The following ZNF438 variants were observed in gnomAD, a reference collection of about 807,000 sequenced individuals.
ZNF438 encodes zinc finger protein 438.
ZNF438 carries 25 observed loss-of-function variants against 38.0 expected under a neutral mutation model. The ratio of observed to expected loss-of-function variants is 0.66; its 90% CI spans 0.48 to 0.92. The LOEUF is 0.92. ZNF438 is among the 40% of genes least tolerant of loss of function. The probability of loss-of-function intolerance (pLI) is 0.00; values close to 1 mark genes in which losing one functional copy is unlikely to be tolerated. For synonymous variants in ZNF438, 372 were observed against 364.1 expected, an observed-to-expected ratio of 1.02 and a Z score of -0.25; for missense variants, 1,007 against 999.6, an observed-to-expected ratio of 1.01 and a Z score of -0.10.
intron 4 of ZNF438, among the ~76,000 whole-genome samples, chr10:30,854,395 T>C (rs1008791612): frequency 6.6e-6 from 1 of 152,200 alleles, no homozygotes; most frequent in Non-Finnish European, 1.5e-5. Flanking sequence ...AGTTGGTCTG[T>C]GTCTTCAGGG....
At chr10:30,861,081 C>A (rs1184346951) in intron 4 of ZNF438, among the ~76,000 whole-genome samples, 1 of 152,120 alleles carries the variant, frequency 6.6e-6, no homozygotes, top group East Asian at 1.9e-4. Context: ...ATACAGTTGT[C>A]CCTTACCATC....
intron 2 of ZNF438, among the ~76,000 whole-genome samples, chr10:30,941,120 G>A (rs2046777524): frequency 6.6e-6 from 1 of 150,450 alleles, no homozygotes; most frequent in East Asian, 1.9e-4. Context: ...TGCCCAGGCT[G>A]GACTGCAGTA....
intron 1 of ZNF438, among the ~76,000 whole-genome samples, chr10:30,977,641 A>G (rs2051535227): frequency 6.6e-6 from 1 of 152,218 alleles, no homozygotes; most frequent in Non-Finnish European, 1.5e-5. Context: ...GTTTCTAGAT[A>G]GGGAGCCATG....
chr10:30,859,373 C>T (rs1177840554), intron 4 of ZNF438, among the ~76,000 whole-genome samples: 4 of 152,176 alleles, frequency 2.6e-5, no homozygotes, highest in Admixed American at 6.5e-5. Context: ...CCACTGTGCC[C>T]AGCCAAGTCT....
At chr10:31,019,915 A>T (rs1031820255) in intron 1 of ZNF438, among the ~76,000 whole-genome samples, 1 of 152,164 alleles carries the variant, frequency 6.6e-6, no homozygotes, top group African/African-American at 2.4e-5. Context: ...ACTAGTAATT[A>T]AAAAAATGCA....
intron 1 of ZNF438, among the ~76,000 whole-genome samples, chr10:31,012,359 G>A (rs948735201): frequency 6.6e-5 from 10 of 152,048 alleles, no homozygotes; most frequent in Admixed American, 5.2e-4. Flanking sequence ...TCCTGACCTT[G>A]TGATCCGCCC....
chr10:30,885,536 C>T (rs2039848452), intron 3 of ZNF438, among the ~76,000 whole-genome samples: 1 of 152,186 alleles, frequency 6.6e-6, no homozygotes, highest in African/African-American at 2.4e-5. Context: ...CTGTTATCAT[C>T]AAGTTAAGAA....
chr10:30,847,717 T>A (rs1262654044), intron 5 of ZNF438, among the ~76,000 whole-genome samples: 2 of 152,222 alleles, frequency 1.3e-5, no homozygotes, highest in Non-Finnish European at 2.9e-5. Flanking sequence ...ATGTTCCTGG[T>A]GCCAACCGTG....
exon 5 of ZNF438, chr10:30,850,118 G>T (rs1397281549): frequency 6.2e-7 from 1 of 1,614,036 alleles, no homozygotes; most frequent in African/African-American, 1.3e-5. Context: ...ATGTGGCAGA[G>T]CAACAAGAGA....
At chr10:30,941,303 C>G (rs1259631526) in intron 2 of ZNF438, among the ~76,000 whole-genome samples, 1 of 152,150 alleles carries the variant, frequency 6.6e-6, no homozygotes, top group African/African-American at 2.4e-5. Flanking sequence ...AAATCCTGAT[C>G]TCAGGTGATC....
intron 1 of ZNF438, among the ~76,000 whole-genome samples, chr10:30,971,984 T>C (rs2050787682): frequency 6.6e-6 from 1 of 151,148 alleles, no homozygotes; most frequent in Non-Finnish European, 1.5e-5. Context: ...TTTTTTTTTT[T>C]TCTGAGATGG....
intron 1 of ZNF438, among the ~76,000 whole-genome samples, chr10:30,981,222 C>G (rs1042995274): frequency 6.6e-6 from 1 of 152,162 alleles, no homozygotes; most frequent in Non-Finnish European, 1.5e-5. Context: ...TAGGGGACTG[C>G]AGAATGAGCC....
exon 5 of ZNF438, chr10:30,849,842 C>A: frequency 6.2e-7 from 1 of 1,612,658 alleles, no homozygotes; most frequent in Non-Finnish European, 8.5e-7. Context: ...TGTGCTAATG[C>A]TGGCTGGGGC....
intron 1 of ZNF438, among the ~76,000 whole-genome samples, chr10:30,992,325 T>C: frequency 6.6e-6 from 1 of 151,828 alleles, no homozygotes; most frequent in Non-Finnish European, 1.5e-5. Context: ...GTGGAGGAGC[T>C]GGATAGAAAA....
intron 1 of ZNF438, among the ~76,000 whole-genome samples, chr10:31,010,897 A>G (rs1490387100): frequency 6.1e-4 from 17 of 27,750 alleles, no homozygotes; most frequent in African/African-American, 1.1e-3. Context: ...TGTTTGAAAA[A>G]AAAAAAAAAA....
intron 1 of ZNF438, among the ~76,000 whole-genome samples, chr10:30,958,109 C>T (rs573330806): frequency 6.1e-5 from 9 of 146,580 alleles, no homozygotes; most frequent in African/African-American, 2.2e-4. Flanking sequence ...CTGAGTCATA[C>T]GACCAAAGAA....
chr10:30,996,248 A>T (rs2054036831), intron 1 of ZNF438, among the ~76,000 whole-genome samples: 2 of 152,156 alleles, frequency 1.3e-5, no homozygotes, highest in Non-Finnish European at 1.5e-5. Flanking sequence ...ATCCAACTAT[A>T]TCAGTAATCA....
chr10:30,873,200 A>C (rs2037779601), intron 4 of ZNF438, among the ~76,000 whole-genome samples: 1 of 152,210 alleles, frequency 6.6e-6, no homozygotes, highest in Non-Finnish European at 1.5e-5. Flanking sequence ...TTCTATCCCT[A>C]AATCCTGAAA....
intron 1 of ZNF438, among the ~76,000 whole-genome samples, chr10:31,017,486 G>A (rs1448369517): frequency 6.6e-6 from 1 of 152,148 alleles, no homozygotes; most frequent in Non-Finnish European, 1.5e-5. Flanking sequence ...TGGGATCTTT[G>A]GCAACATAAT....
Sources: allele counts gnomAD v4.1 joint callset (sites outside exome capture counted in the v4.1 genomes callset), GRCh38; gene constraint gnomAD v4.1.1; transcripts MANE v1.5; gene names NCBI Gene and HGNC (gene_info 2026-07-23, HGNC 2026-07-21).